The following DHX57 variants were observed in gnomAD, a reference collection of about 807,000 sequenced individuals.
DHX57 encodes the protein putative ATP-dependent RNA helicase DHX57.
DHX57 carries 105 observed loss-of-function variants against 156.2 expected under a neutral mutation model. The ratio of observed to expected loss-of-function variants is 0.67; its 90% CI spans 0.57 to 0.79. The LOEUF (loss-of-function observed/expected upper bound fraction) is 0.79, where lower values mean the gene tolerates loss of function less well. Ranked by LOEUF, DHX57 falls within the 30% of genes least tolerant of loss-of-function variation. The pLI is 0.00. For synonymous variants in DHX57, 704 were observed against 595.6 expected, an observed-to-expected ratio of 1.18 and a Z score of -2.65; for missense variants, 1,847 against 1,661.9, an observed-to-expected ratio of 1.11 and a Z score of -1.94.
At chr2:38,832,550 TA>T (rs869036811) in intron 13 of DHX57, among the ~76,000 whole-genome samples, 768 of 13,310 alleles carry the variant, frequency 0.058, 1 homozygote, top group Admixed American at 0.087. Flanking sequence ...TATATATATA[TA>T]TTTTTTTTTT....
chr2:38,862,094 T>G (rs2124932875), intron 4 of DHX57, 51 bp downstream of exon 4: 2 of 1,530,490 alleles, frequency 1.3e-6, no homozygotes, highest in East Asian at 4.6e-5. Context: ...TTATATGATT[T>G]CGGTTTCCTT....
intron 19 of DHX57, chr2:38,815,996 G>A: frequency 2.5e-6 from 1 of 398,782 alleles, no homozygotes; most frequent in South Asian, 2.1e-5. Context: ...AAAAAATGCT[G>A]TTTGTTTTGA....
At chr2:38,870,932 A>C (rs1407216939) in intron 1 of DHX57, among the ~76,000 whole-genome samples, 1 of 152,060 alleles carries the variant, frequency 6.6e-6, no homozygotes, top group African/African-American at 2.4e-5. Flanking sequence ...AGTTAACCAA[A>C]AATCCAGAAA....
Position 38,811,572 on chromosome 2 carries a change from C to T in DHX57, c.3681+2249G>A, listed in dbSNP as rs1670249264. ...GGCCAGGTAGGCAATAATGTCATAG[C>T]CTTGTTCCTTCAGCCACACGAGGAT... is the stretch of plus-strand genomic sequence containing the variant. On this transcript the variant is annotated intron_variant, in intron 21 of 23. Transcript: ENST00000457308. 3.7e-6 allele frequency: 5 copies of T among 1,341,220 alleles called. No homozygotes were observed. In the South Asian group the frequency reaches 5.8e-5, roughly 16 times the overall value. 83.1% of individuals were successfully genotyped at this position (1,341,220 alleles called of 1,614,324 possible).
rs1488168656 is a variant in DHX57 at position 38,826,618 on chromosome 2, G to A, written c.2711C>T (p.Ala904Val). The A allele has an allele frequency of 2.5e-6, 4 of 1,613,974 alleles. No individual in the cohort carries two copies. The highest frequency in any genetic ancestry group is 1.3e-5 in the African/African-American group (1 of 74,890). Residue 904 changes from alanine (A) to valine (V), a missense_variant, in exon 15 of 24, where the codon GCA becomes GTA. Physicochemically the swap from Ala to Val is moderately conservative, Grantham distance 64 (BLOSUM62 0). Coordinates refer to ENST00000457308, the MANE Select transcript of DHX57 (RefSeq NM_198963.3). ...GGAAATTATAATCTTAGTTACTCCT[G>A]CAGGAGGTTTTACAAACACAGCCTG... ...EQQAVFVKPP[A>V]GVTKIIISTN...
intron 12 of DHX57, among the ~76,000 whole-genome samples, chr2:38,841,664 G>A (rs1003976759): frequency 2.0e-5 from 3 of 152,060 alleles, no homozygotes; most frequent in African/African-American, 7.2e-5. Context: ...CCTTTTTTGG[G>A]AAGAACTAAG....
At chr2:38,864,547 A>C (rs185677772) in intron 2 of DHX57, among the ~76,000 whole-genome samples, 40 of 152,204 alleles carry the variant, frequency 2.6e-4, no homozygotes, top group Non-Finnish European at 1.3e-4. Flanking sequence ...TTTGTAAACT[A>C]TATGCCAATC....
At chr2:38,871,868 G>A (rs114201594) in intron 1 of DHX57, among the ~76,000 whole-genome samples, 1 of 151,974 alleles carries the variant, frequency 6.6e-6, no homozygotes, top group Non-Finnish European at 1.5e-5. Context: ...CGCCGGCTAA[G>A]TTTTTGTTTT....
intron 19 of DHX57, among the ~76,000 whole-genome samples, chr2:38,816,440 T>A (rs1434425244): frequency 1.3e-5 from 2 of 152,108 alleles, no homozygotes; most frequent in Non-Finnish European, 2.9e-5. Context: ...GCTCTCGAAC[T>A]CCTGATCTCA....
At position 38,825,829 on chromosome 2, in the gene DHX57, C is replaced by G. The variant is rs1553326484; in HGVS notation, c.3014+18G>C. ...ATTTAGACCTTTTGGAAGCAAAACA[C>G]AAAAAACCAGATGTCACCTTAGACA... On this transcript the variant is annotated intron_variant, in intron 16 of 23. Transcript: ENST00000457308. 30 of 1,613,852 alleles carry G rather than the reference C, an allele frequency of 1.9e-5. No individual in the cohort carries two copies. The South Asian group carries it at 3.2e-4, about 17-fold the overall frequency.
At chr2:38,807,035 C>G (rs1460887643) in intron 21 of DHX57, among the ~76,000 whole-genome samples, 1 of 151,768 alleles carries the variant, frequency 6.6e-6, no homozygotes, top group Non-Finnish European at 1.5e-5. Context: ...CTGAGTATCC[C>G]AATCCCAACA....
intron 21 of DHX57, among the ~76,000 whole-genome samples, chr2:38,810,235 C>G (rs1306298657): frequency 1.3e-5 from 2 of 149,286 alleles, no homozygotes; most frequent in Admixed American, 6.7e-5. Context: ...CATTTTATAG[C>G]TCCCCACTGT....
At chr2:38,831,726 G>A (rs951899683) in intron 13 of DHX57, among the ~76,000 whole-genome samples, 2 of 151,378 alleles carry the variant, frequency 1.3e-5, no homozygotes, top group Non-Finnish European at 2.9e-5. Context: ...GCATGGTGGC[G>A]TGCACCTGTA....
intron 19 of DHX57, 108 bp from the exon 20 acceptor site, chr2:38,815,763 A>AATCCACTTGAGCCTCATT: frequency 1.5e-6 from 2 of 1,364,980 alleles, no homozygotes; most frequent in Non-Finnish European, 2.0e-6. Context: ...GGTAGCAATG[A>AATCCACTTGAGCCTCATT]GGCTCAAGTG....
At chr2:38,866,611 A>G (rs1209864654) in intron 2 of DHX57, among the ~76,000 whole-genome samples, 1 of 152,176 alleles carries the variant, frequency 6.6e-6, no homozygotes, top group Non-Finnish European at 1.5e-5. Flanking sequence ...GATAAGGACA[A>G]TATTTTACTC....
intron 1 of DHX57, among the ~76,000 whole-genome samples, chr2:38,874,100 CT>C (rs35756860): frequency 2.0e-4 from 30 of 150,740 alleles, no homozygotes; most frequent in African/African-American, 7.3e-4. Context: ...TTCTTTCTTT[CT>C]TTTTTTTTGA....
Position 38,860,989 on chromosome 2 carries a change from C to T in DHX57, c.1411+10G>A, listed in dbSNP as rs762618660. The T allele has an allele frequency of 3.7e-6, 6 of 1,605,632 alleles. No homozygotes were observed. The highest frequency in any genetic ancestry group is 3.4e-5 in the Admixed American group (2 of 59,576). On this transcript the variant is annotated intron_variant, in intron 5 of 23. Coordinates refer to ENST00000457308, the MANE Select transcript of DHX57 (RefSeq NM_198963.3). ...AATGCCTCCCTCCACAAGATCAATG[C>T]CTTACATACCTTCTGGAATTTGATT...
At chr2:38,829,003 C>T (rs769412177) in intron 13 of DHX57, among the ~76,000 whole-genome samples, 4 of 150,224 alleles carry the variant, frequency 2.7e-5, no homozygotes, top group African/African-American at 4.9e-5. Context: ...TGCAGTTGCG[C>T]GATCACGGCT....
At chr2:38,840,836 T>C (rs977275257) in intron 12 of DHX57, among the ~76,000 whole-genome samples, 3 of 152,182 alleles carry the variant, frequency 2.0e-5, no homozygotes, top group African/African-American at 7.2e-5. Flanking sequence ...ATTTTCTTTT[T>C]TTTGAGACAA....
Sources: gnomAD v4.1 joint callset for allele counts (sites outside exome capture counted in the v4.1 genomes callset) on GRCh38, gnomAD v4.1.1 for gene constraint, MANE v1.5 for transcripts, NCBI Gene and HGNC (gene_info 2026-07-23, HGNC 2026-07-21) for gene names.